AFAP1L1: variants seen among roughly 807,000 people sequenced by gnomAD.
AFAP1L1 encodes actin filament associated protein 1 like 1.
AFAP1L1 carries 77 observed loss-of-function variants against 99.8 expected under a neutral mutation model. The observed-to-expected ratio is 0.77, with a 90% CI of 0.64 to 0.93. The LOEUF (loss-of-function observed/expected upper bound fraction) is 0.93. AFAP1L1 is among the 40% of genes least tolerant of loss of function. AFAP1L1 has a pLI of 0.00. For missense variants in AFAP1L1, 893 were observed against 996.8 expected, an observed-to-expected ratio of 0.90 and a Z score of 1.40; for synonymous variants, 373 against 395.3, an observed-to-expected ratio of 0.94 and a Z score of 0.67.
intron 15 of AFAP1L1, among the ~76,000 whole-genome samples, chr5:149,327,291 T>A (rs1757123907): frequency 7.3e-6 from 1 of 136,318 alleles, no homozygotes; most frequent in Non-Finnish European, 1.6e-5. Flanking sequence ...ATCAATATAT[T>A]ATTGATAATA....
chr5:149,302,260 T>C (rs747418064), intron 4 of AFAP1L1, among the ~76,000 whole-genome samples, 158 bp from the exon 5 acceptor site: 14 of 152,168 alleles, frequency 9.2e-5, no homozygotes, highest in Non-Finnish European at 1.8e-4. Context: ...ACTGGATAAA[T>C]ATGCCCTCGA....
chr5:149,280,092 A>G (rs1397857941), intron 1 of AFAP1L1, among the ~76,000 whole-genome samples: 3 of 152,242 alleles, frequency 2.0e-5, no homozygotes, highest in Admixed American at 6.5e-5. Flanking sequence ...GTGAGAGTAC[A>G]TAATTCACGG....
Position 149,342,344 on chromosome 5 carries a change from T to C in AFAP1L1, c.*2314T>C, listed in dbSNP as rs1189559731. ...AAGCTCACAGAGGTCAGGTAACTTG[T>C]CCAAGCTCCCATAGTTCTTATATTT... On this transcript the variant is annotated 3_prime_UTR_variant, in exon 19 of 19. Coordinates refer to ENST00000296721, the MANE Select transcript of AFAP1L1 (RefSeq NM_152406.4). 6.6e-6 allele frequency among the ~76,000 whole-genome samples: 1 copy of C among 152,208 alleles called. No homozygotes were observed. The highest frequency in any genetic ancestry group is 1.5e-5 in the Non-Finnish European group (1 of 68,030).
intron 8 of AFAP1L1, among the ~76,000 whole-genome samples, chr5:149,311,070 T>A (rs912018416): frequency 6.6e-6 from 1 of 152,230 alleles, no homozygotes; most frequent in Middle Eastern, 3.4e-3. Flanking sequence ...CCCCCATTCC[T>A]TTACAGCAGA....
chr5:149,329,831 G>A lies in AFAP1L1; in HGVS notation c.1975+1G>A. 1.2e-6 allele frequency: 2 copies of A among 1,606,164 alleles called. No individual in the cohort carries two copies. Among genetic ancestry groups the A allele is most frequent in the Non-Finnish European group, 1.7e-6 (2 of 1,176,332 alleles). ...AAGGAAGCCATTCGGAGCAGCCCAG[G>A]TACCTATGTGGGTGTGGTCCTGAGC... On this transcript the variant is annotated splice_donor_variant, in intron 16 of 18. Transcript: ENST00000296721. LOFTEE classifies it high-confidence loss of function.
chr5:149,318,087 A>C, intron 12 of AFAP1L1, 147 bp downstream of exon 12: 2 of 907,536 alleles, frequency 2.2e-6, no homozygotes, highest in Non-Finnish European at 3.3e-6. Flanking sequence ...AGGTGACCCA[A>C]GTAGATTATA....
Position 149,329,833 on chromosome 5 carries a change from A to G in AFAP1L1, c.1975+3A>G, listed in dbSNP as rs766328636. On this transcript the variant is annotated splice_donor_region_variant and intron_variant, in intron 16 of 18. Transcript: ENST00000296721. Reference sequence around the variant, plus strand: ...GGAAGCCATTCGGAGCAGCCCAGGTACCTATGTGGGTGTGGTCCTGAGCAC... The same window carrying G: ...GGAAGCCATTCGGAGCAGCCCAGGTGCCTATGTGGGTGTGGTCCTGAGCAC... 21 of 1,605,256 alleles carry G rather than the reference A, an allele frequency of 1.3e-5. No individual in the cohort carries two copies. The highest frequency in any genetic ancestry group is 1.8e-5 in the Non-Finnish European group (21 of 1,175,942).
At chr5:149,306,727 C>T (rs1245258397) in intron 6 of AFAP1L1, among the ~76,000 whole-genome samples, 2 of 152,174 alleles carry the variant, frequency 1.3e-5, no homozygotes. Context: ...TAACGAGAGA[C>T]AACAGATGTC....
Position 149,302,540 on chromosome 5 carries a change from C to T in AFAP1L1, c.436+14C>T. On this transcript the variant is annotated intron_variant, in intron 5 of 18. Transcript: ENST00000296721. ...TCAGCTCCCACAGTAAGTTCTGGTC[C>T]TCTTGGTGGGGCTGGGGACTTCCTG... 2 of 1,562,824 alleles carry T rather than the reference C, an allele frequency of 1.3e-6. No individual in the cohort carries two copies. The highest frequency in any genetic ancestry group is 1.7e-6 in the Non-Finnish European group (2 of 1,152,350).
intron 1 of AFAP1L1, among the ~76,000 whole-genome samples, chr5:149,293,442 T>C (rs1755922176): frequency 2.0e-5 from 3 of 152,202 alleles, no homozygotes; most frequent in Non-Finnish European, 4.4e-5. Context: ...AAATACTTTT[T>C]CCCCCAACTG....
At chr5:149,307,195 C>G (rs546510155) in intron 6 of AFAP1L1, among the ~76,000 whole-genome samples, 1 of 151,984 alleles carries the variant, frequency 6.6e-6, no homozygotes, top group African/African-American at 2.4e-5. Flanking sequence ...TGCAGCGAGC[C>G]GAGATCACGC....
intron 5 of AFAP1L1, among the ~76,000 whole-genome samples, chr5:149,306,057 A>T (rs1201465195): frequency 6.6e-6 from 1 of 152,212 alleles, no homozygotes; most frequent in Non-Finnish European, 1.5e-5. Flanking sequence ...AGCACAGGGA[A>T]CAGCATGAAT....
chr5:149,338,601 A>G (rs1266242805), intron 18 of AFAP1L1, among the ~76,000 whole-genome samples: 3 of 152,236 alleles, frequency 2.0e-5, no homozygotes, highest in Non-Finnish European at 4.4e-5. Flanking sequence ...AAGACCTACC[A>G]TATGCCAGTC....
At chr5:149,317,598 C>T (rs1756831143) in intron 11 of AFAP1L1, 131 bp from the exon 12 acceptor site, 1 of 873,578 alleles carries the variant, frequency 1.1e-6, no homozygotes, top group Non-Finnish European at 1.8e-6. Flanking sequence ...CAAGGTCACC[C>T]TGAGGTCACA....
At chr5:149,331,627 A>T (rs1757261610) in intron 16 of AFAP1L1, among the ~76,000 whole-genome samples, 1 of 152,138 alleles carries the variant, frequency 6.6e-6, no homozygotes, top group South Asian at 2.1e-4. Flanking sequence ...CTCAAGAAAA[A>T]AAAAAAAAAA....
chr5:149,300,137 G>A, intron 2 of AFAP1L1, 134 bp from the exon 3 acceptor site: 1 of 606,432 alleles, frequency 1.6e-6, no homozygotes, highest in Non-Finnish European at 2.9e-6. Context: ...TTGAAAACCA[G>A]TGAAATAATT....
Position 149,313,125 on chromosome 5 carries a change from T to TA in AFAP1L1, c.1020+937dup, listed in dbSNP as rs765623834. Among the ~76,000 whole-genome samples, 285 of 129,920 alleles carry TA rather than the reference T, an allele frequency of 2.2e-3. 1 individual carries two copies. The highest frequency in any genetic ancestry group is 7.5e-3 in the Middle Eastern group (2 of 266). 85.2% of individuals were successfully genotyped at this position (129,920 alleles called of 152,430 possible). A position where few individuals can be genotyped will look rare whatever the true frequency, so the allele number is the denominator to read the frequency against. On this transcript the variant is annotated intron_variant, in intron 9 of 18. Transcript: ENST00000296721. ...TGGGCAAAAAGAGCAAAGCTTCATT[T>TA]AAAAAAAAAAAAAAAAGAGAAGGAG...
At chr5:149,335,483 C>CAAAAGT (rs533945628) in intron 17 of AFAP1L1, 111 bp from the exon 18 acceptor site, 16,050 of 1,396,840 alleles carry the variant, frequency 0.011, 126 homozygotes, top group Non-Finnish European at 0.014. Flanking sequence ...GACTCTGTCT[C>CAAAAGT]AAAAATAAAA....
chr5:149,283,223 C>T (rs562925272), intron 1 of AFAP1L1, among the ~76,000 whole-genome samples: 5 of 152,336 alleles, frequency 3.3e-5, no homozygotes, highest in Admixed American at 1.3e-4. Context: ...CAGCAGAACA[C>T]GGACATATTT....
Sources: allele counts gnomAD v4.1 joint callset (sites outside exome capture counted in the v4.1 genomes callset), GRCh38; gene constraint gnomAD v4.1.1; transcripts MANE v1.5; gene names NCBI Gene and HGNC (gene_info 2026-07-23, HGNC 2026-07-21).